The following EYA1 variants were observed in gnomAD, a reference collection of about 807,000 sequenced individuals.
EYA1 encodes protein phosphatase EYA1.
A neutral mutation model predicts 82.0 loss-of-function variants in EYA1; 16 were observed. That is an observed-to-expected ratio of 0.20 (90% CI 0.13 to 0.30). The LOEUF (loss-of-function observed/expected upper bound fraction) is 0.30, where lower values mean the gene tolerates loss of function less well. Ranked by LOEUF, EYA1 falls within the 10% of genes least tolerant of loss-of-function variation. The pLI is 1.00. For synonymous variants in EYA1, 261 were observed against 264.4 expected (o/e 0.99, Z 0.12); for missense variants, 633 against 730.7 (o/e 0.87, Z 1.54).
chr8:71,406,486 C>G (rs549671325), intron 2 of EYA1, among the ~76,000 whole-genome samples: 241 of 152,282 alleles, frequency 1.6e-3, no homozygotes, highest in African/African-American at 5.6e-3. Flanking sequence ...CTAGGGAGTG[C>G]CAGACAGTGG....
chr8:71,344,931 G>A (rs529187418), intron 3 of EYA1, among the ~76,000 whole-genome samples: 1 of 152,212 alleles, frequency 6.6e-6, no homozygotes, highest in South Asian at 2.1e-4. Flanking sequence ...ACTCACAGGA[G>A]CACCCAGACA....
intron 2 of EYA1, among the ~76,000 whole-genome samples, chr8:71,396,912 T>G (rs976329864): frequency 1.3e-5 from 2 of 152,204 alleles, no homozygotes; most frequent in African/African-American, 4.8e-5. Flanking sequence ...ATTATTATTG[T>G]GTGGGAGTCT....
intron 11 of EYA1, among the ~76,000 whole-genome samples, chr8:71,252,719 G>A (rs1382742668): frequency 6.6e-6 from 1 of 152,302 alleles, no homozygotes; most frequent in East Asian, 1.9e-4. Flanking sequence ...TAAGAGGAAG[G>A]TAGGATCATT....
intron 4 of EYA1, among the ~76,000 whole-genome samples, chr8:71,327,969 C>T (rs1471664995): frequency 1.3e-5 from 2 of 151,236 alleles, no homozygotes; most frequent in East Asian, 3.9e-4. Context: ...GATTCTCCTG[C>T]CTCAGCCTCC....
At chr8:71,517,694 A>G (rs1029106024) in intron 2 of EYA1, among the ~76,000 whole-genome samples, 1 of 140,262 alleles carries the variant, frequency 7.1e-6, no homozygotes, top group African/African-American at 2.6e-5. Context: ...TGTTCACAAG[A>G]TAGGAAAACA....
chr8:71,487,925 G>C (rs1253994966), intron 2 of EYA1, among the ~76,000 whole-genome samples: 1 of 152,110 alleles, frequency 6.6e-6, no homozygotes, highest in Non-Finnish European at 1.5e-5. Flanking sequence ...ATCTAAATAT[G>C]CATCTACCCT....
intron 2 of EYA1, among the ~76,000 whole-genome samples, chr8:71,395,268 T>G (rs191192516): frequency 6.6e-6 from 1 of 152,378 alleles, no homozygotes; most frequent in East Asian, 1.9e-4. Context: ...CTTTTCCTAA[T>G]TGAATAACCT....
chr8:71,346,446 A>ATATATATATATATATATATATATATATT (rs1825739181), intron 3 of EYA1, among the ~76,000 whole-genome samples: 1 of 135,780 alleles, frequency 7.4e-6, no homozygotes, highest in African/African-American at 3.0e-5. Flanking sequence ...ATATATATAT[A>ATATATATATATATATATATATATATATT]TATATATATC....
At chr8:71,497,582 A>G (rs10156258) in intron 2 of EYA1, among the ~76,000 whole-genome samples, 102,216 of 151,972 alleles carry the variant, frequency 0.67, 36,483 homozygotes, top group East Asian at 0.9. Flanking sequence ...TGTTGGTAAG[A>G]ATGTGGAGAA....
chr8:71,414,667 C>A lies in EYA1; in HGVS notation c.34-58156G>T, dbSNP rs554546937. ...TCAGATTCTTGAATCAAAATATTTA[C>A]CTCAAACATATGTCAAATTTTTCCA... On this transcript the variant is annotated intron_variant, in intron 2 of 18. Coordinates refer to the EYA1 transcript ENST00000643681. Among the ~76,000 whole-genome samples, 9 of 152,270 alleles carry A rather than the reference C, an allele frequency of 5.9e-5. No homozygotes were observed. In the East Asian group the frequency reaches 1.5e-3, roughly 26 times the overall value.
chr8:71,459,115 A>G (rs1808178791), intron 2 of EYA1, among the ~76,000 whole-genome samples: 1 of 152,154 alleles, frequency 6.6e-6, no homozygotes, highest in Admixed American at 6.5e-5. Context: ...AATTACTAAG[A>G]TACTTTACAC....
chr8:71,240,555 A>G (rs1485984669), intron 12 of EYA1, among the ~76,000 whole-genome samples: 1 of 152,088 alleles, frequency 6.6e-6, no homozygotes, highest in Non-Finnish European at 1.5e-5. Flanking sequence ...ACTCTTCCCA[A>G]TCCTTACTCT....
chr8:71,297,434 G>A (rs535439141), intron 9 of EYA1, among the ~76,000 whole-genome samples: 1 of 152,078 alleles, frequency 6.6e-6, no homozygotes, highest in African/African-American at 2.4e-5. Flanking sequence ...TATTTACAAT[G>A]TAGTATTCAC....
chr8:71,482,951 G>C (rs1297043461), intron 2 of EYA1, among the ~76,000 whole-genome samples: 1 of 152,142 alleles, frequency 6.6e-6, no homozygotes, highest in Non-Finnish European at 1.5e-5. Flanking sequence ...GGTGGTTACA[G>C]GGGTGTCTAC....
At chr8:71,346,355 T>C (rs925281384) in intron 3 of EYA1, among the ~76,000 whole-genome samples, 6 of 150,538 alleles carry the variant, frequency 4.0e-5, no homozygotes, top group African/African-American at 1.5e-4. Context: ...TAATTGTGGA[T>C]ATACAGTATA....
intron 12 of EYA1, among the ~76,000 whole-genome samples, chr8:71,217,341 G>C (rs963597705): frequency 4.6e-5 from 7 of 152,306 alleles, no homozygotes; most frequent in African/African-American, 1.7e-4. Context: ...CCATCATGCT[G>C]CTCAGAGCTG....
intron 9 of EYA1, among the ~76,000 whole-genome samples, chr8:71,292,830 CAT>C (rs1222144805): frequency 2.0e-5 from 3 of 151,976 alleles, no homozygotes; most frequent in Non-Finnish European, 2.9e-5. Flanking sequence ...GCACTGAACA[CAT>C]ATATTAGAAA....
chr8:71,293,628 G>C (rs953448573), intron 9 of EYA1, among the ~76,000 whole-genome samples: 2 of 151,728 alleles, frequency 1.3e-5, no homozygotes, highest in Non-Finnish European at 2.9e-5. Flanking sequence ...ATATAAGGCT[G>C]GTTCAACATT....
chr8:71,325,069 T>C (rs551303319), intron 4 of EYA1, among the ~76,000 whole-genome samples: 1 of 152,316 alleles, frequency 6.6e-6, no homozygotes, highest in Admixed American at 6.5e-5. Flanking sequence ...GTGCACATTA[T>C]CCCTAGGATA....
Sources: gnomAD v4.1 joint callset for allele counts (sites outside exome capture counted in the v4.1 genomes callset) on GRCh38, gnomAD v4.1.1 for gene constraint, MANE v1.5 for transcripts, NCBI Gene and HGNC (gene_info 2026-07-23, HGNC 2026-07-21) for gene names.